HERC2: variants seen among roughly 807,000 people sequenced by gnomAD.
HERC2 encodes the protein HECT and RLD domain containing E3 ubiquitin protein ligase 2.
A neutral mutation model predicts 537.7 loss-of-function variants in HERC2; 102 were observed. That is an observed-to-expected ratio of 0.19 (90% CI 0.16 to 0.22). HERC2 has a LOEUF of 0.22. Ranked by LOEUF, HERC2 falls within the 10% of genes least tolerant of loss-of-function variation. The pLI is 1.00. For synonymous variants in HERC2, 2,224 were observed against 2,466.2 expected, an observed-to-expected ratio of 0.90 and a Z score of 2.91; for missense variants, 4,236 against 6,198.2, an observed-to-expected ratio of 0.68 and a Z score of 10.63.
intron 75 of HERC2, 89 bp from the exon 76 acceptor site, chr15:28,142,482 T>C: frequency 7.5e-7 from 1 of 1,330,302 alleles, no homozygotes; most frequent in African/African-American, 1.5e-5. Flanking sequence ...CAGGACCTCC[T>C]ATTCCAGGAT....
At chr15:28,239,240 G>A (rs909574181) in intron 23 of HERC2, among the ~76,000 whole-genome samples, 1 of 152,042 alleles carries the variant, frequency 6.6e-6, no homozygotes, top group African/African-American at 2.4e-5. Context: ...ATCGAAATTG[G>A]TGACATACAA....
At position 28,191,042 on chromosome 15, in the gene HERC2, T is replaced by G; in HGVS notation, c.8572A>C (p.Asn2858His). The change falls in exon 55 of 93, where the codon AAT (asparagine) becomes CAT (histidine). Residue 2858 changes from asparagine to histidine, a missense_variant. Coordinates refer to ENST00000261609, the MANE Select transcript of HERC2 (RefSeq NM_004667.6). Reference protein sequence around the residue: ...LVVVSGGNSLNNLIELKTINI... With the variant: ...LVVVSGGNSLHNLIELKTINI... ...ATTGTCTTTAGTTCAATAAGGTTAT[T>G]CAGGGAATTTCCACCTAGGAAAAAA... 1 of 1,611,932 alleles carries G rather than the reference T, an allele frequency of 6.2e-7. No homozygotes were observed. Among genetic ancestry groups the G allele is most frequent in the Non-Finnish European group, 8.5e-7 (1 of 1,178,070 alleles).
intron 20 of HERC2, among the ~76,000 whole-genome samples, chr15:28,249,734 C>A (rs1413825411): frequency 6.6e-6 from 1 of 152,088 alleles, no homozygotes; most frequent in African/African-American, 2.4e-5. Context: ...GCAACCTCCG[C>A]CTCCCGGGTT....
chr15:28,298,099 A>C (rs1162480752), intron 3 of HERC2, among the ~76,000 whole-genome samples: 1 of 151,256 alleles, frequency 6.6e-6, no homozygotes, highest in African/African-American at 2.4e-5. Context: ...ACTCTGCTTG[A>C]CACTGAAACT....
rs1343316111 is a variant in HERC2, at chr15:28,238,923, A to G, written c.3578-151T>C. The G allele has an allele frequency of 7.1e-6, 5 of 704,082 alleles. No homozygotes were observed. The Admixed American group carries it at 8.9e-5, about 12-fold the overall frequency. 43.6% of individuals were successfully genotyped at this position (704,082 alleles called of 1,614,324 possible). A position where few individuals can be genotyped will look rare whatever the true frequency, so the allele number is the denominator to read the frequency against. ...CCTAGCTCTGAAACTAATACCACAC[A>G]TACAAATTCTGTTAAATATAGAATG... is the stretch of plus-strand genomic sequence containing the variant. On this transcript the variant is annotated intron_variant, in intron 23 of 92. Transcript: ENST00000261609.
At position 28,202,466 on chromosome 15, in the gene HERC2, G is replaced by A. The variant is rs879255382; in HGVS notation, c.7361C>T (p.Ser2454Leu). ...CACGATCGGCAGAGCGGGAACGGGC[G>A]ACTGCTTGCGCCTCTTCACTCTGGC... The part of the protein sequence containing the change: ...RPARVKRRKQ[S>L]PVPALPIVVQ... Residue 2454 changes from serine (S) to leucine (L), a missense_variant, in exon 46 of 93, where the codon TCG becomes TTG. By Grantham distance (145) the Ser-to-Leu change is moderately radical (BLOSUM62 -2). This residue lies in a region of HERC2 where 35 missense variants were observed against 68.7 expected (regional missense o/e 0.51). Coordinates refer to ENST00000261609, the MANE Select transcript of HERC2 (RefSeq NM_004667.6). 1.2e-5 allele frequency: 18 copies of A among 1,505,752 alleles called. No homozygotes were observed. Among genetic ancestry groups the A allele is most frequent in the East Asian group, 2.3e-5 (1 of 44,140 alleles). 93.3% of individuals were successfully genotyped at this position (1,505,752 alleles called of 1,614,324 possible). A position where few individuals can be genotyped will look rare whatever the true frequency, so the allele number is the denominator to read the frequency against.
chr15:28,249,707 C>A (rs1004385709), intron 20 of HERC2, among the ~76,000 whole-genome samples: 13 of 152,102 alleles, frequency 8.5e-5, no homozygotes, highest in Non-Finnish European at 1.8e-4. Flanking sequence ...AGTGCAGTGA[C>A]ATGATCTCAG....
chr15:28,190,450 C>G (rs1896753307), intron 55 of HERC2: 1 of 157,078 alleles, frequency 6.4e-6, no homozygotes, highest in Admixed American at 6.2e-5. Context: ...TATGTGGGTA[C>G]TGTTTAAAAG....
chr15:28,258,192 G>A (rs185235348), intron 16 of HERC2, among the ~76,000 whole-genome samples: 77 of 152,082 alleles, frequency 5.1e-4, no homozygotes, highest in Non-Finnish European at 7.6e-4. Context: ...GGGTCAGGCC[G>A]GGCGCAGTGG....
Position 28,176,087 on chromosome 15 carries a change from T to C in HERC2, c.9686+341A>G, listed in dbSNP as rs192486507. ...AAAATAAGCTTTTACAAGAAACACA[T>C]GTTAACTTTTTCAGGATCAAAGGAT... On this transcript the variant is annotated intron_variant, in intron 63 of 92. Transcript: ENST00000261609. The surrounding 1 kb of genome is among the most constrained non-coding windows in gnomAD (Gnocchi z 5.0). Among the ~76,000 whole-genome samples, 513 of 152,252 alleles carry C rather than the reference T, an allele frequency of 3.4e-3. 3 individuals are homozygous for C. The highest frequency in any genetic ancestry group is 0.012 in the African/African-American group (487 of 41,536).
In HERC2 at chr15:28,228,129, T is replaced by TAAA. The variant is rs367658561; in HGVS notation, c.5464+86_5464+88dup. 1,115 of 940,238 alleles carry TAAA rather than the reference T, an allele frequency of 1.2e-3. 7 individuals are homozygous for TAAA. In the African/African-American group the frequency reaches 0.017, roughly 14 times the overall value. The allele number at this position is 940,238 out of a possible 1,614,324, so 58.2% of individuals were successfully genotyped here. A position where few individuals can be genotyped will look rare whatever the true frequency, so the allele number is the denominator to read the frequency against. On this transcript the variant is annotated intron_variant, in intron 35 of 92. Transcript: ENST00000261609. Reference sequence around the variant, plus strand: ...TCTTACCATAATTTACAAAAAGCTTTAAAAAAAAAAAAAAAGAAAAGAAAA... The same window carrying TAAA: ...TCTTACCATAATTTACAAAAAGCTTTAAAAAAAAAAAAAAAAAAGAAAAGAAAA...
chr15:28,274,918 C>T lies in HERC2; in HGVS notation c.630G>A (p.Arg210=). Residue 210 remains arginine, a synonymous_variant, in exon 6 of 93, where the codon AGG becomes AGA. Transcript: ENST00000261609. ...CAGGGACCGTACCTGATCGCCAGGC[C>T]CTGCGCAGGAAGGCAAAGGCAAAAG... ...ALSFAFAFLR[R]AWRSGEDADL... 6.2e-7 allele frequency: 1 copy of T among 1,611,488 alleles called. No homozygotes were observed. Among genetic ancestry groups the T allele is most frequent in the Non-Finnish European group, 8.5e-7 (1 of 1,179,594 alleles).
chr15:28,173,977 G>T, intron 65 of HERC2, among the ~76,000 whole-genome samples: 1 of 151,932 alleles, frequency 6.6e-6, no homozygotes, highest in African/African-American at 2.4e-5. Context: ...ATCTTTGATT[G>T]TGCTGATGCT....
intron 4 of HERC2, among the ~76,000 whole-genome samples, chr15:28,287,046 C>T (rs1015046418): frequency 1.6e-4 from 24 of 151,966 alleles, no homozygotes; most frequent in African/African-American, 4.1e-4. Flanking sequence ...TATGTGCGTG[C>T]GCGCTGTAAA....
At chr15:28,282,938 G>A (rs2076058889) in intron 4 of HERC2, among the ~76,000 whole-genome samples, 1 of 150,298 alleles carries the variant, frequency 6.7e-6, no homozygotes, top group South Asian at 2.1e-4. Context: ...AGATGGGAAG[G>A]GACGGGAAGG....
At chr15:28,319,944 A>C (rs2077187728) in intron 2 of HERC2, among the ~76,000 whole-genome samples, 1 of 152,242 alleles carries the variant, frequency 6.6e-6, no homozygotes, top group Admixed American at 6.5e-5. Flanking sequence ...GAAAGTACTC[A>C]TCTCTCACCT....
chr15:28,142,675 G>T, intron 75 of HERC2, 152 bp downstream of exon 75: 2 of 709,586 alleles, frequency 2.8e-6, no homozygotes, highest in South Asian at 1.9e-5. Context: ...TAGATTACAC[G>T]ATCATTTCTT....
chr15:28,112,180 G>C (rs1887716687), intron 92 of HERC2, 145 bp from the exon 93 acceptor site: 1 of 722,500 alleles, frequency 1.4e-6, no homozygotes, highest in Non-Finnish European at 2.3e-6. Context: ...AACTTTAGGA[G>C]TAACGAGGAG....
Position 28,141,724 on chromosome 15 carries a change from TA to T in HERC2, c.11816+6del. On this transcript the variant is annotated splice_donor_region_variant and intron_variant, in intron 77 of 92. Coordinates refer to ENST00000261609, the MANE Select transcript of HERC2 (RefSeq NM_004667.6). Reference sequence around the variant, plus strand: ...TCGACATTACTGCTTGTTTCTAATATAATAACCTGTTCATCCACTGCACAAG... The same window carrying T: ...TCGACATTACTGCTTGTTTCTAATATATAACCTGTTCATCCACTGCACAAG... 6.2e-7 allele frequency: 1 copy of T among 1,612,782 alleles called. No homozygotes were observed. The highest frequency in any genetic ancestry group is 1.3e-5 in the African/African-American group (1 of 75,030).
Sources: gnomAD v4.1 joint callset for allele counts (sites outside exome capture counted in the v4.1 genomes callset) on GRCh38, gnomAD v4.1.1 for gene constraint, gnomAD v4.1.1 regional missense constraint, Gnocchi (gnomAD v3.1) non-coding constraint, MANE v1.5 for transcripts, NCBI Gene and HGNC (gene_info 2026-07-23, HGNC 2026-07-21) for gene names.